GNAQ: variants seen among roughly 807,000 people sequenced by gnomAD.
GNAQ encodes the protein guanine nucleotide-binding protein G(q) subunit alpha.
GNAQ carries 8 observed loss-of-function variants against 43.9 expected under a neutral mutation model. The observed-to-expected ratio is 0.18, with a 90% CI of 0.11 to 0.33. The LOEUF is 0.33. Among genes scored for constraint, GNAQ ranks in the 10% least tolerant of loss-of-function variants. The pLI, the probability that GNAQ is intolerant of heterozygous loss-of-function variation, is 1.00. For missense variants in GNAQ, 158 were observed against 450.8 expected, an observed-to-expected ratio of 0.35 and a Z score of 5.88; for synonymous variants, 155 against 170.7, an observed-to-expected ratio of 0.91 and a Z score of 0.71.
At chr9:78,004,060 G>T (rs1035499172) in intron 1 of GNAQ, among the ~76,000 whole-genome samples, 1 of 151,974 alleles carries the variant, frequency 6.6e-6, no homozygotes, top group South Asian at 2.1e-4. Context: ...GGCTGAATTT[G>T]CCCTAGCCAC....
Position 77,748,751 on chromosome 9 carries a change from C to A in GNAQ, c.736-20084G>T, listed in dbSNP as rs928167942. Among the ~76,000 whole-genome samples, 5 of 152,142 alleles carry A rather than the reference C, an allele frequency of 3.3e-5. No homozygotes were observed. In the South Asian group the frequency reaches 1.0e-3, roughly 32 times the overall value. On this transcript the variant is annotated intron_variant, in intron 5 of 6. Coordinates refer to ENST00000286548, the MANE Select transcript of GNAQ (RefSeq NM_002072.5). ...TAGAATATGAAAATAGGTAGCACAG[C>A]AAGAACATGACAAATGTTTAATAAA...
chr9:77,828,190 A>C (rs2118544748), intron 2 of GNAQ, among the ~76,000 whole-genome samples: 1 of 149,674 alleles, frequency 6.7e-6, no homozygotes, highest in South Asian at 2.2e-4. Context: ...TGGGTTAATT[A>C]TCATTTCATG....
intron 1 of GNAQ, among the ~76,000 whole-genome samples, chr9:78,013,086 T>C (rs866825172): frequency 1.3e-5 from 2 of 152,144 alleles, no homozygotes; most frequent in African/African-American, 2.4e-5. Flanking sequence ...TAGGAATCCG[T>C]AATCAGGAGG....
intron 1 of GNAQ, among the ~76,000 whole-genome samples, chr9:78,023,358 A>G (rs576578461): frequency 6.6e-6 from 1 of 152,356 alleles, no homozygotes; most frequent in East Asian, 1.9e-4. Context: ...CCAACTTGGA[A>G]GTTCTCTAAA....
chr9:77,967,652 G>A (rs769751384), intron 1 of GNAQ, among the ~76,000 whole-genome samples: 2 of 152,178 alleles, frequency 1.3e-5, no homozygotes, highest in Non-Finnish European at 2.9e-5. Context: ...GGTTATCAGA[G>A]GTGGGGGAAG....
At chr9:78,010,627 G>A (rs1188425814) in intron 1 of GNAQ, among the ~76,000 whole-genome samples, 6 of 151,972 alleles carry the variant, frequency 3.9e-5, no homozygotes, top group Admixed American at 6.6e-5. Context: ...CTGGAAAGAC[G>A]GCAGCCCTCT....
chr9:77,993,543 C>CA lies in GNAQ; in HGVS notation c.136+37556dup, dbSNP rs1160442035. ...TGAAACACTGTCTCTACCAAAAATA[C>CA]AAAAAAAAAGGAGCCAGGCATGGTG... On this transcript the variant is annotated intron_variant, in intron 1 of 6. Transcript: ENST00000286548. Among the ~76,000 whole-genome samples the CA allele has an allele frequency of 1.9e-4, 28 of 149,720 alleles. No homozygotes were observed. The East Asian group carries it at 2.9e-3, about 16-fold the overall frequency.
chr9:77,722,529 A>T (rs1825333037), intron 6 of GNAQ, among the ~76,000 whole-genome samples: 1 of 152,234 alleles, frequency 6.6e-6, no homozygotes, highest in Non-Finnish European at 1.5e-5. Flanking sequence ...ATCTAGCAAG[A>T]TAAACTAAAA....
chr9:77,729,125 T>G (rs1391670740), intron 5 of GNAQ, among the ~76,000 whole-genome samples: 2 of 152,200 alleles, frequency 1.3e-5, no homozygotes, highest in African/African-American at 2.4e-5. Flanking sequence ...AACAGTTACT[T>G]CTTTGTCAAA....
chr9:77,837,817 T>C (rs1398811250), intron 2 of GNAQ, among the ~76,000 whole-genome samples: 3 of 151,924 alleles, frequency 2.0e-5, no homozygotes, highest in African/African-American at 7.3e-5. Flanking sequence ...TTAAGAATGA[T>C]TATACCCAGT....
At chr9:77,912,045 T>C (rs1828814262) in intron 2 of GNAQ, among the ~76,000 whole-genome samples, 1 of 152,078 alleles carries the variant, frequency 6.6e-6, no homozygotes, top group Non-Finnish European at 1.5e-5. Flanking sequence ...ACCTGCCAGT[T>C]AAAAAAATGC....
intron 1 of GNAQ, among the ~76,000 whole-genome samples, chr9:77,982,714 G>A (rs1453941579): frequency 4.1e-5 from 6 of 146,002 alleles, no homozygotes; most frequent in East Asian, 4.0e-4. Context: ...TACCTGTATC[G>A]AACTGTTGAT....
At chr9:77,894,273 A>T (rs1357205242) in intron 2 of GNAQ, among the ~76,000 whole-genome samples, 6 of 112,782 alleles carry the variant, frequency 5.3e-5, no homozygotes. Flanking sequence ...TAAAAGAAGC[A>T]GTATTGCTAA....
intron 5 of GNAQ, among the ~76,000 whole-genome samples, chr9:77,754,347 C>G (rs1825865047): frequency 6.6e-6 from 1 of 152,204 alleles, no homozygotes; most frequent in Non-Finnish European, 1.5e-5. Flanking sequence ...ACTAGCATCC[C>G]AAGCATCTAA....
intron 1 of GNAQ, among the ~76,000 whole-genome samples, chr9:77,990,753 T>C (rs1314367444): frequency 6.6e-6 from 1 of 152,206 alleles, no homozygotes; most frequent in Admixed American, 6.5e-5. Flanking sequence ...ACCATTTCAT[T>C]AGACTGCTTT....
At position 77,797,632 on chromosome 9, in the gene GNAQ, C is replaced by T. The variant is rs1826678593; in HGVS notation, c.493G>A (p.Asp165Asn). The change falls in exon 4 of 7, where the codon GAC (aspartate) becomes AAC (asparagine). Residue 165 changes from aspartate to asparagine, a missense_variant. Asp to Asn is a conservative substitution (Grantham distance 23). This residue lies in a region of GNAQ where 14 missense variants were observed against 16.3 expected (regional missense o/e 0.86). Transcript: ENST00000286548. ...AGGTAGGCAGGGTCAGCTACGCGGT[C>T]CAAGTCATTAAGATAGCTAGAGGAG... Reference protein sequence around the residue: ...DSTKYYLNDLDRVADPAYLPT... With the variant: ...DSTKYYLNDLNRVADPAYLPT... 1.2e-6 allele frequency: 2 copies of T among 1,613,532 alleles called. No individual in the cohort carries two copies. The highest frequency in any genetic ancestry group is 1.7e-6 in the Non-Finnish European group (2 of 1,179,714).
In GNAQ at chr9:77,960,177, T is replaced by C. The variant is rs544589157; in HGVS notation, c.137-37832A>G. Among the ~76,000 whole-genome samples, 15 of 152,312 alleles carry C rather than the reference T, an allele frequency of 9.8e-5. No homozygotes were observed. The South Asian group carries it at 1.7e-3, about 17-fold the overall frequency. The stretch of plus-strand genomic sequence containing the variant: ...AATCATCCTGCTCATCTTTCTTTTA[T>C]TGTGTTTTATTTTTGTATTGCATTT... On this transcript the variant is annotated intron_variant, in intron 1 of 6. Transcript: ENST00000286548.
chr9:77,765,462 T>C (rs952246540), intron 5 of GNAQ, among the ~76,000 whole-genome samples: 1 of 152,114 alleles, frequency 6.6e-6, no homozygotes, highest in Non-Finnish European at 1.5e-5. Flanking sequence ...GCAAAGGACA[T>C]GAATAGACAT....
chr9:77,951,725 A>C (rs1340967579), intron 1 of GNAQ, among the ~76,000 whole-genome samples: 1 of 152,120 alleles, frequency 6.6e-6, no homozygotes, highest in African/African-American at 2.4e-5. Flanking sequence ...CCTTTCTACC[A>C]CCCAACCTTA....
Sources: allele counts gnomAD v4.1 joint callset (sites outside exome capture counted in the v4.1 genomes callset), GRCh38; gene constraint gnomAD v4.1.1; regional missense constraint gnomAD v4.1.1; transcripts MANE v1.5; gene names NCBI Gene and HGNC (gene_info 2026-07-23, HGNC 2026-07-21).